Variants in TPR observed in about 807,000 individuals in gnomAD.
TPR encodes nucleoprotein TPR.
In TPR, 51 loss-of-function variants were observed where a neutral mutation model predicts 316.1. The ratio of observed to expected loss-of-function variants is 0.16; its 90% confidence interval spans 0.13 to 0.20. TPR has a LOEUF of 0.20. Ranked by LOEUF, TPR falls within the 10% of genes least tolerant of loss-of-function variation. The pLI is 1.00. For synonymous variants in TPR, 981 were observed against 914.7 expected (o/e 1.07, Z -1.31); for missense variants, 2,272 against 2,754.8 (o/e 0.82, Z 3.92).
chr1:186,343,234 G>T, intron 27 of TPR, 92 bp downstream of exon 27: 3 of 1,471,454 alleles, frequency 2.0e-6, no homozygotes, highest in South Asian at 2.8e-5. Context: ...CTTACTTCAA[G>T]TTAAATTTTA....
chr1:186,355,699 G>A lies in TPR; in HGVS notation c.1958C>T (p.Thr653Ile), dbSNP rs752819507. ...KRPSTSQTVSTPAPVPVIEST... is the reference protein window; with the variant it reads ...KRPSTSQTVSIPAPVPVIEST... ...TTCAATAACAGGTACTGGAGCAGGA[G>A]TGGAAACAGTCTGTGATGTACTTGG... The change falls in exon 16 of 51, where the codon ACT becomes ATT. Residue 653 changes from threonine to isoleucine, a missense_variant. Thr to Ile is a moderately conservative substitution (Grantham distance 89). Coordinates refer to ENST00000367478, the MANE Select transcript of TPR (RefSeq NM_003292.3). 3.1e-6 allele frequency: 5 copies of A among 1,614,024 alleles called. No individual in the cohort carries two copies. Among genetic ancestry groups the A allele is most frequent in the Middle Eastern group, 1.6e-4 (1 of 6,082 alleles).
intron 33 of TPR, 90 bp from the exon 34 acceptor site, chr1:186,335,633 A>G: frequency 1.0e-6 from 1 of 985,816 alleles, no homozygotes; most frequent in Non-Finnish European, 1.5e-6. Flanking sequence ...GTCACATCAG[A>G]TTCTACTACT....
chr1:186,321,151 A>C (rs1657764906), intron 45 of TPR, among the ~76,000 whole-genome samples: 2 of 152,132 alleles, frequency 1.3e-5, no homozygotes, highest in African/African-American at 4.8e-5. Flanking sequence ...TCTCTTCCTG[A>C]GTGCTGACTT....
rs549763355 is a variant in TPR at position 186,358,427 on chromosome 1, C to T, written c.1497+116G>A. 9.8e-6 allele frequency: 7 copies of T among 714,576 alleles called. No homozygotes were observed. In the South Asian group the frequency reaches 1.4e-4, roughly 15 times the overall value. 44.3% of individuals were successfully genotyped at this position (714,576 alleles called of 1,614,324 possible). A position where few individuals can be genotyped will look rare whatever the true frequency, so the allele number is the denominator to read the frequency against. ...GTGCAACTCTGCTCGAGTACTATTC[C>T]TAATTAATTAGAATTTCATACATGG... On this transcript the variant is annotated intron_variant, in intron 13 of 50. Transcript: ENST00000367478.
chr1:186,351,291 T>A, intron 20 of TPR, 39 bp downstream of exon 20: 1 of 1,564,188 alleles, frequency 6.4e-7, no homozygotes, highest in Non-Finnish European at 8.6e-7. Context: ...TTACTGAACA[T>A]AAACACCCTA....
chr1:186,336,702 G>C lies in TPR; in HGVS notation c.4507-8C>G. 6.2e-7 allele frequency: 1 copy of C among 1,609,960 alleles called. No homozygotes were observed. Among genetic ancestry groups the C allele is most frequent in the South Asian group, 1.1e-5 (1 of 90,870 alleles). ...CTCTTTTTCAGATAATGTCTTTAAAGGAAAACAAAGTATTCACCATGGAAT... is the reference window on the plus strand; with the variant it reads ...CTCTTTTTCAGATAATGTCTTTAAACGAAAACAAAGTATTCACCATGGAAT... On this transcript the variant is annotated splice_region_variant and splice_polypyrimidine_tract_variant and intron_variant, in intron 32 of 50. Transcript: ENST00000367478.
At chr1:186,353,375 A>G (rs79628844) in intron 18 of TPR, among the ~76,000 whole-genome samples, 119 of 149,984 alleles carry the variant, frequency 7.9e-4, no homozygotes, top group African/African-American at 2.8e-3. Flanking sequence ...CTGTCTCAAG[A>G]AAAAAAAAAC....
chr1:186,325,745 A>G lies in TPR; in HGVS notation c.6112+19T>C, dbSNP rs1480049649. The G allele has an allele frequency of 6.3e-7, 1 of 1,597,824 alleles. No individual in the cohort carries two copies. The highest frequency in any genetic ancestry group is 1.1e-5 in the South Asian group (1 of 89,544). ...ATACCAGAGATATTCAATTCAAAAAAGGCTAATAAAAATCTCACCACTGTT... is the reference window on the plus strand; with the variant it reads ...ATACCAGAGATATTCAATTCAAAAAGGGCTAATAAAAATCTCACCACTGTT... On this transcript the variant is annotated intron_variant, in intron 42 of 50. Transcript: ENST00000367478.
rs1659200048 is a variant in TPR at position 186,361,842 on chromosome 1, C to T, written c.817G>A (p.Glu273Lys). 6.2e-7 allele frequency: 1 copy of T among 1,612,846 alleles called. No individual in the cohort carries two copies. The highest frequency in any genetic ancestry group is 1.7e-5 in the Admixed American group (1 of 59,888). ...GCATTTAATTCATTGTGGAATTTCT[C>T]TTCCATACTGGCCTGTTGTTCCTTG... ...EAKEQQASMEEKFHNELNAHI... is the reference protein window; with the variant it reads ...EAKEQQASMEKKFHNELNAHI... Residue 273 changes from glutamate to lysine, a missense_variant, in exon 8 of 51, where the codon GAG becomes AAG. Glu to Lys is a moderately conservative substitution (Grantham distance 56, BLOSUM62 1). This residue lies in a region of TPR where 549 missense variants were observed against 598.6 expected (regional missense o/e 0.92). Coordinates refer to ENST00000367478, the MANE Select transcript of TPR (RefSeq NM_003292.3).
chr1:186,323,605 G>C, intron 43 of TPR, 81 bp downstream of exon 43: 1 of 1,272,696 alleles, frequency 7.9e-7, no homozygotes, highest in African/African-American at 1.6e-5. Context: ...CCAAGAGAGA[G>C]AGAGAAATAC....
chr1:186,360,193 T>C, intron 11 of TPR, 80 bp downstream of exon 11: 1 of 1,490,248 alleles, frequency 6.7e-7, no homozygotes. Flanking sequence ...AAAATAAGTT[T>C]TGGGAGAATT....
chr1:186,371,900 C>A (rs1395444782), intron 2 of TPR, among the ~76,000 whole-genome samples: 1 of 152,098 alleles, frequency 6.6e-6, no homozygotes, highest in South Asian at 2.1e-4. Flanking sequence ...AGGAAGGTAT[C>A]TGATGTATCT....
At chr1:186,323,434 A>C (rs1290111967) in intron 43 of TPR, among the ~76,000 whole-genome samples, 1 of 152,240 alleles carries the variant, frequency 6.6e-6, no homozygotes, top group Non-Finnish European at 1.5e-5. Context: ...CTTGAGAAAT[A>C]ACAATTTTAT....
chr1:186,360,728 G>C (rs780209269), intron 10 of TPR, 37 bp downstream of exon 10: 10 of 1,609,248 alleles, frequency 6.2e-6, no homozygotes, highest in Non-Finnish European at 7.6e-6. Flanking sequence ...GAAAGCTGTA[G>C]TATTTCAACT....
chr1:186,326,197 T>TTCA lies in TPR; in HGVS notation c.5925_5927dup (p.Asp1975dup), dbSNP rs748538527. The TTCA allele has an allele frequency of 4.5e-5, 72 of 1,607,738 alleles. No homozygotes were observed. In the East Asian group the frequency reaches 5.4e-4, roughly 12 times the overall value. On this transcript the variant is annotated inframe_insertion, in exon 41 of 51. Transcript: ENST00000367478. Reference sequence around the variant, plus strand: ...CCTCATCTCCCATCCCTGTGTCATCTTCATCATCATCATCATCTTCCTCAT... The same window carrying TTCA: ...CCTCATCTCCCATCCCTGTGTCATCTTCATCATCATCATCATCATCTTCCTCAT...
chr1:186,355,096 G>A (rs565052606), intron 17 of TPR, among the ~76,000 whole-genome samples: 17 of 152,048 alleles, frequency 1.1e-4, no homozygotes, highest in African/African-American at 4.1e-4. Flanking sequence ...GTAGAGATGG[G>A]GTTTCACCAT....
chr1:186,351,816 T>C lies in TPR; in HGVS notation c.2469+160A>G, dbSNP rs1571626181. On this transcript the variant is annotated intron_variant, in intron 19 of 50. Coordinates refer to ENST00000367478, the MANE Select transcript of TPR (RefSeq NM_003292.3). ...CAATCAATTCTCTTTCAATATTTTA[T>C]TTAAAATATTTAAATGTCTTAATAA... 3 of 776,044 alleles carry C rather than the reference T, an allele frequency of 3.9e-6. No homozygotes were observed. In the East Asian group the frequency reaches 9.0e-5, roughly 23 times the overall value. 48.1% of individuals were successfully genotyped at this position (776,044 alleles called of 1,614,324 possible).
At chr1:186,365,805 A>C (rs1438744389) in intron 4 of TPR, among the ~76,000 whole-genome samples, 2 of 152,236 alleles carry the variant, frequency 1.3e-5, no homozygotes, top group Non-Finnish European at 2.9e-5. Context: ...GAGATTGTGG[A>C]TATGGCAAAA....
chr1:186,344,266 A>C (rs1019934446), intron 25 of TPR, 109 bp downstream of exon 25: 1 of 1,402,980 alleles, frequency 7.1e-7, no homozygotes, highest in Non-Finnish European at 9.7e-7. Flanking sequence ...ACGCCATTGC[A>C]CTCCAGCATG....
Sources: allele counts gnomAD v4.1 joint callset (sites outside exome capture counted in the v4.1 genomes callset), GRCh38; gene constraint gnomAD v4.1.1; regional missense constraint gnomAD v4.1.1; transcripts MANE v1.5; gene names NCBI Gene and HGNC (gene_info 2026-07-23, HGNC 2026-07-21).